NLGN1: variants seen among roughly 807,000 people sequenced by gnomAD.
The protein encoded by NLGN1 is neuroligin 1.
NLGN1 carries 12 observed loss-of-function variants against 65.5 expected under a neutral mutation model. The ratio of observed to expected loss-of-function variants is 0.18; its 90% CI spans 0.12 to 0.30. The LOEUF (loss-of-function observed/expected upper bound fraction) is 0.30. NLGN1 is among the 10% of genes least tolerant of loss of function. NLGN1 has a pLI of 1.00. For missense variants in NLGN1, 750 were observed against 1,007.1 expected (o/e 0.74, Z 3.46); for synonymous variants, 350 against 359.5 (o/e 0.97, Z 0.30).
At chr3:174,235,596 A>C (rs192441140) in intron 4 of NLGN1, among the ~76,000 whole-genome samples, 1 of 152,076 alleles carries the variant, frequency 6.6e-6, no homozygotes, top group Admixed American at 6.6e-5. Flanking sequence ...AAAACAGAGG[A>C]TCTGTTTTAA....
intron 3 of NLGN1, among the ~76,000 whole-genome samples, chr3:173,781,314 A>G (rs1419931196): frequency 6.6e-6 from 1 of 152,102 alleles, no homozygotes; most frequent in African/African-American, 2.4e-5. Context: ...TATGGCTAAT[A>G]CTTTTTTCTG....
intron 4 of NLGN1, among the ~76,000 whole-genome samples, chr3:174,212,649 A>G (rs1249653403): frequency 6.6e-6 from 1 of 152,244 alleles, no homozygotes; most frequent in African/African-American, 2.4e-5. Context: ...CAACATACAG[A>G]GATGTTTATT....
At chr3:173,666,860 C>A (rs1364745182) in intron 3 of NLGN1, among the ~76,000 whole-genome samples, 3 of 152,034 alleles carry the variant, frequency 2.0e-5, no homozygotes, top group Non-Finnish European at 2.9e-5. Flanking sequence ...ATTATTAGAA[C>A]TACAGAAAAC....
At chr3:173,860,657 G>A (rs1578839930) in intron 4 of NLGN1, among the ~76,000 whole-genome samples, 1 of 152,108 alleles carries the variant, frequency 6.6e-6, no homozygotes, top group East Asian at 1.9e-4. Context: ...GAGTCATTAG[G>A]GAATCCAGCA....
intron 5 of NLGN1, 51 bp from the exon 6 acceptor site, chr3:174,278,810 C>T: frequency 7.3e-7 from 1 of 1,360,810 alleles, no homozygotes; most frequent in Non-Finnish European, 9.8e-7. Context: ...TATTGTTTTA[C>T]CACAACATTA....
chr3:174,122,209 A>G (rs138131588), intron 4 of NLGN1, among the ~76,000 whole-genome samples: 3 of 152,324 alleles, frequency 2.0e-5, no homozygotes, highest in East Asian at 1.9e-4. Context: ...CTGTAAAAAC[A>G]TAGTAAGTTG....
rs187747834 is a variant in NLGN1, at chr3:173,448,307, C to T, written c.-321+13229C>T. Reference sequence around the variant, plus strand: ...ATTTTGTCAAAGGCCTTTTCTGCATCTATTGAGATAATCATGTGATTTTTG... The same window carrying T: ...ATTTTGTCAAAGGCCTTTTCTGCATTTATTGAGATAATCATGTGATTTTTG... On this transcript the variant is annotated intron_variant, in intron 2 of 6. Transcript: ENST00000457714. 5.8e-3 allele frequency among the ~76,000 whole-genome samples: 885 copies of T among 152,248 alleles called. 13 individuals are homozygous for T. The highest frequency in any genetic ancestry group is 0.021 in the African/African-American group (859 of 41,548).
chr3:174,152,970 A>G (rs530905120), intron 4 of NLGN1, among the ~76,000 whole-genome samples: 1 of 152,236 alleles, frequency 6.6e-6, no homozygotes, highest in Admixed American at 6.5e-5. Flanking sequence ...TAAAATGTAC[A>G]TTCCTTGCCT....
chr3:173,527,398 CT>C (rs893339623), intron 2 of NLGN1, among the ~76,000 whole-genome samples: 6 of 152,008 alleles, frequency 3.9e-5, no homozygotes, highest in African/African-American at 1.4e-4. Context: ...GTCCATTTTT[CT>C]TTTTTTCTTT....
chr3:174,255,530 A>C (rs1021090855), intron 4 of NLGN1, among the ~76,000 whole-genome samples: 1 of 151,754 alleles, frequency 6.6e-6, no homozygotes, highest in African/African-American at 2.4e-5. Context: ...AAATCAGCCA[A>C]ACTCCTTCTG....
chr3:173,799,350 T>C (rs1714897931), intron 3 of NLGN1, among the ~76,000 whole-genome samples: 1 of 152,038 alleles, frequency 6.6e-6, no homozygotes, highest in South Asian at 2.1e-4. Flanking sequence ...AAAATTACTT[T>C]CATATGCCCT....
chr3:173,812,671 C>T (rs1159012820), intron 4 of NLGN1, among the ~76,000 whole-genome samples: 1 of 151,286 alleles, frequency 6.6e-6, no homozygotes, highest in Non-Finnish European at 1.5e-5. Flanking sequence ...CCTACAACTG[C>T]ACTCCAGCCT....
At chr3:173,935,622 A>ACACTCT (rs761590257) in intron 4 of NLGN1, among the ~76,000 whole-genome samples, 12 of 108,008 alleles carry the variant, frequency 1.1e-4, no homozygotes, top group African/African-American at 4.5e-4. Context: ...ACACACACAC[A>ACACTCT]CTCTCTCTCT....
At chr3:173,913,899 T>C (rs1003203688) in intron 4 of NLGN1, among the ~76,000 whole-genome samples, 1 of 152,138 alleles carries the variant, frequency 6.6e-6, no homozygotes, top group Admixed American at 6.6e-5. Flanking sequence ...TCATGGAAAT[T>C]CTGTTAGTCA....
chr3:174,125,155 A>G (rs1718659744), intron 4 of NLGN1, among the ~76,000 whole-genome samples: 1 of 152,114 alleles, frequency 6.6e-6, no homozygotes, highest in African/African-American at 2.4e-5. Flanking sequence ...AGAGCAATGA[A>G]AAGGCTTAAA....
At chr3:173,590,560 A>G (rs116023227) in intron 2 of NLGN1, among the ~76,000 whole-genome samples, 1,589 of 152,298 alleles carry the variant, frequency 0.01, 37 homozygotes, top group African/African-American at 0.036. Context: ...CCTAGAGAAC[A>G]GTACCTGGTA....
intron 3 of NLGN1, among the ~76,000 whole-genome samples, chr3:173,782,330 G>T (rs966945464): frequency 6.6e-6 from 1 of 152,070 alleles, no homozygotes; most frequent in Non-Finnish European, 1.5e-5. Flanking sequence ...TTAATTGAAT[G>T]CATTAAAGGC....
rs1197672884 is a variant in NLGN1, at chr3:173,841,917, TA to T, written c.646+34086del. ...GACAGTATCTCAAAAGGTTAAGAAATATATGCTTAATGGGAGGAAAAAAGCA... is the reference window on the plus strand; with the variant it reads ...GACAGTATCTCAAAAGGTTAAGAAATTATGCTTAATGGGAGGAAAAAAGCA... On this transcript the variant is annotated intron_variant, in intron 4 of 6. Coordinates refer to ENST00000457714, the Ensembl canonical transcript of NLGN1. 3.3e-5 allele frequency among the ~76,000 whole-genome samples: 5 copies of T among 152,234 alleles called. No homozygotes were observed. The East Asian group carries it at 9.7e-4, about 29-fold the overall frequency.
chr3:173,410,417 T>C (rs2148647786), intron 1 of NLGN1, among the ~76,000 whole-genome samples: 1 of 152,346 alleles, frequency 6.6e-6, no homozygotes, highest in East Asian at 1.9e-4. Context: ...AAGGCAAAGA[T>C]GAGTCAAACG....
Sources: allele counts gnomAD v4.1 joint callset (sites outside exome capture counted in the v4.1 genomes callset), GRCh38; gene constraint gnomAD v4.1.1; transcripts MANE v1.5; gene names NCBI Gene and HGNC (gene_info 2026-07-23, HGNC 2026-07-21).